Variants in ERBIN observed in about 807,000 individuals in gnomAD.
ERBIN encodes the protein erbb2 interacting protein.
A neutral mutation model predicts 158.4 loss-of-function variants in ERBIN; 60 were observed. The ratio of observed to expected loss-of-function variants is 0.38; its 90% CI spans 0.31 to 0.47. The LOEUF (loss-of-function observed/expected upper bound fraction) is 0.47, where lower values mean the gene tolerates loss of function less well. ERBIN is among the 20% of genes least tolerant of loss of function. ERBIN has a pLI of 0.99. For missense variants in ERBIN, 1,610 were observed against 1,648.0 expected (o/e 0.98, Z 0.40); for synonymous variants, 594 against 557.2 (o/e 1.07, Z -0.93).
At chr5:66,064,652 C>T (rs146332761) in intron 21 of ERBIN, among the ~76,000 whole-genome samples, 55 of 152,172 alleles carry the variant, frequency 3.6e-4, no homozygotes, top group African/African-American at 1.3e-3. Context: ...CAAAAGTGTT[C>T]AGGATGAATT....
At chr5:65,948,683 A>G (rs144272026) in intron 1 of ERBIN, among the ~76,000 whole-genome samples, 120 of 149,272 alleles carry the variant, frequency 8.0e-4, no homozygotes, top group African/African-American at 2.6e-3. Context: ...TCTAATTTTG[A>G]TTTTTGCTAC....
In ERBIN at chr5:66,026,282, A is replaced by T. The variant is rs770345572; in HGVS notation, c.1021-20A>T. On this transcript the variant is annotated intron_variant, in intron 12 of 25. Coordinates refer to ENST00000284037, the MANE Select transcript of ERBIN (RefSeq NM_001253697.2). Reference sequence around the variant, plus strand: ...CTGTAGGCCAAATTTTTTGATACTCAGTTTATATTTCTCTTTCAGATTGGA... The same window carrying T: ...CTGTAGGCCAAATTTTTTGATACTCTGTTTATATTTCTCTTTCAGATTGGA... The T allele has an allele frequency of 6.6e-7, 1 of 1,512,434 alleles. No individual in the cohort carries two copies. Among genetic ancestry groups the T allele is most frequent in the Non-Finnish European group, 8.9e-7 (1 of 1,124,936 alleles). The allele number at this position is 1,512,434 out of a possible 1,614,324, so 93.7% of individuals were successfully genotyped here.
At position 66,072,156 on chromosome 5, in the gene ERBIN, T is replaced by A; in HGVS notation, c.3634-13T>A. On this transcript the variant is annotated splice_polypyrimidine_tract_variant and intron_variant, in intron 21 of 25. Transcript: ENST00000284037. ...GAACATTATTTGTTTACTTTTTATT[T>A]CCTGCTCATTAGAAGCATCCCCAGA... is the stretch of plus-strand genomic sequence containing the variant. 1.3e-6 allele frequency: 2 copies of A among 1,546,920 alleles called. No homozygotes were observed. The highest frequency in any genetic ancestry group is 1.7e-6 in the Non-Finnish European group (2 of 1,145,622).
In ERBIN at chr5:66,007,260, A is replaced by G. The variant is rs1468087114; in HGVS notation, c.308-4789A>G. Among the ~76,000 whole-genome samples the G allele has an allele frequency of 2.6e-5, 4 of 152,274 alleles. No homozygotes were observed. The East Asian group carries it at 7.7e-4, about 29-fold the overall frequency. ...TGTAGGGACATGGGTGAAGCTGAAAACCATCATTCTCAGAAAACTATCACA... is the reference window on the plus strand; with the variant it reads ...TGTAGGGACATGGGTGAAGCTGAAAGCCATCATTCTCAGAAAACTATCACA... On this transcript the variant is annotated intron_variant, in intron 4 of 25. Transcript: ENST00000284037.
chr5:65,983,831 A>G (rs1375035487), intron 1 of ERBIN, among the ~76,000 whole-genome samples: 3 of 152,142 alleles, frequency 2.0e-5, no homozygotes, highest in Non-Finnish European at 1.5e-5. Context: ...GGCATCTATG[A>G]GGATGACAAG....
At chr5:65,993,724 A>G (rs1011380820) in intron 3 of ERBIN, among the ~76,000 whole-genome samples, 6 of 152,008 alleles carry the variant, frequency 3.9e-5, no homozygotes, top group African/African-American at 1.4e-4. Flanking sequence ...AGCATTTTGG[A>G]AAAAAAACTA....
chr5:66,029,424 C>T (rs936952618), intron 14 of ERBIN, among the ~76,000 whole-genome samples: 2 of 152,188 alleles, frequency 1.3e-5, no homozygotes, highest in Admixed American at 6.5e-5. Context: ...TCATGAACTC[C>T]GCAGCCAAAT....
chr5:66,041,924 T>C (rs1221310830), intron 15 of ERBIN, among the ~76,000 whole-genome samples: 1 of 151,692 alleles, frequency 6.6e-6, no homozygotes, highest in Non-Finnish European at 1.5e-5. Context: ...AAAAAGCAAT[T>C]ATAAGGGAAA....
chr5:66,033,318 A>C (rs972866166), intron 14 of ERBIN, among the ~76,000 whole-genome samples: 1 of 152,218 alleles, frequency 6.6e-6, no homozygotes, highest in Non-Finnish European at 1.5e-5. Context: ...TGTTTCTCAA[A>C]AGGAATTATA....
chr5:65,953,765 T>A (rs1038114424), intron 1 of ERBIN, among the ~76,000 whole-genome samples: 3 of 152,198 alleles, frequency 2.0e-5, no homozygotes, highest in East Asian at 1.9e-4. Flanking sequence ...TGGGAATAGT[T>A]TTTGGTTGTC....
At chr5:65,945,666 C>T (rs1016487767) in intron 1 of ERBIN, among the ~76,000 whole-genome samples, 14 of 152,032 alleles carry the variant, frequency 9.2e-5, no homozygotes, top group Non-Finnish European at 1.5e-4. Flanking sequence ...TCTAATTGTT[C>T]TTGGATATTT....
chr5:66,076,931 A>G lies in ERBIN; in HGVS notation c.4113A>G (p.Pro1371=), dbSNP rs200753400. Residue 1371 remains proline, a synonymous_variant, in exon 25 of 26, where the codon CCA becomes CCG. Coordinates refer to ENST00000284037, the MANE Select transcript of ERBIN (RefSeq NM_001253697.2). The stretch of plus-strand genomic sequence containing the variant: ...GACCAGCATCAAAATTACTGCAGCC[A>G]GGTGATAAAATTATTCAGGTAATTA... ...PEGPASKLLQ[P]GDKIIQANGY... 5.0e-6 allele frequency: 8 copies of G among 1,606,156 alleles called. No homozygotes were observed. In the East Asian group the frequency reaches 1.6e-4, roughly 31 times the overall value.
At chr5:66,000,165 T>C (rs1168115540) in intron 4 of ERBIN, among the ~76,000 whole-genome samples, 2 of 152,216 alleles carry the variant, frequency 1.3e-5, no homozygotes, top group Non-Finnish European at 2.9e-5. Context: ...AAAAATCGTA[T>C]ACATCTGAAA....
intron 1 of ERBIN, among the ~76,000 whole-genome samples, chr5:65,931,713 A>G (rs969452511): frequency 5.3e-5 from 8 of 151,958 alleles, no homozygotes; most frequent in African/African-American, 1.9e-4. Flanking sequence ...CTGCTTCTTC[A>G]CTCCATCTGT....
chr5:65,959,170 T>C (rs1747639425), intron 1 of ERBIN, among the ~76,000 whole-genome samples: 1 of 152,184 alleles, frequency 6.6e-6, no homozygotes, highest in African/African-American at 2.4e-5. Context: ...TAATGCTAGC[T>C]AACACGTGGT....
intron 1 of ERBIN, among the ~76,000 whole-genome samples, chr5:65,967,642 G>A (rs1748807717): frequency 6.6e-6 from 1 of 152,184 alleles, no homozygotes; most frequent in South Asian, 2.1e-4. Flanking sequence ...GCCAAACAGT[G>A]CATTTCTTAG....
chr5:66,069,753 T>A (rs1406774719), intron 21 of ERBIN, among the ~76,000 whole-genome samples: 1 of 152,208 alleles, frequency 6.6e-6, no homozygotes, highest in Non-Finnish European at 1.5e-5. Context: ...AAGACTGTTT[T>A]GTCTCTAATA....
At chr5:65,977,581 T>C (rs1750115793) in intron 1 of ERBIN, among the ~76,000 whole-genome samples, 1 of 150,830 alleles carries the variant, frequency 6.6e-6, no homozygotes, top group Non-Finnish European at 1.5e-5. Context: ...GAGACGCTCC[T>C]CACTTCCCAG....
intron 25 of ERBIN, among the ~76,000 whole-genome samples, chr5:66,077,406 A>G (rs1762088151): frequency 6.6e-6 from 1 of 152,196 alleles, no homozygotes. Context: ...GGACACAAGT[A>G]TAGCTCTCAT....
Sources: allele counts gnomAD v4.1 joint callset (sites outside exome capture counted in the v4.1 genomes callset), GRCh38; gene constraint gnomAD v4.1.1; transcripts MANE v1.5; gene names NCBI Gene and HGNC (gene_info 2026-07-23, HGNC 2026-07-21).